Variants in ADGRL3 observed in about 807,000 individuals in gnomAD.
ADGRL3 encodes adhesion G protein-coupled receptor L3.
Under a neutral mutation model 153.5 loss-of-function variants are expected in ADGRL3, and 62 were observed. The observed-to-expected ratio is 0.40, with a 90% confidence interval of 0.33 to 0.50. The LOEUF (loss-of-function observed/expected upper bound fraction) is 0.50, where lower values mean the gene tolerates loss of function less well. ADGRL3 is among the 20% of genes least tolerant of loss of function. The pLI is 0.47. For missense variants in ADGRL3, 1,641 were observed against 1,859.4 expected (o/e 0.88, Z 2.16); for synonymous variants, 710 against 672.5 (o/e 1.06, Z -0.86).
At chr4:61,263,207 TTTA>T (rs2092648903) in intron 1 of ADGRL3, among the ~76,000 whole-genome samples, 1 of 152,024 alleles carries the variant, frequency 6.6e-6, no homozygotes, top group South Asian at 2.1e-4. Flanking sequence ...TATATATCAT[TTTA>T]TTAACATTAT....
intron 2 of ADGRL3, among the ~76,000 whole-genome samples, chr4:61,395,553 C>G (rs2096858956): frequency 6.6e-6 from 1 of 151,860 alleles, no homozygotes; most frequent in Admixed American, 6.6e-5. Context: ...GCTTTCTCAG[C>G]TGGCTTATTT....
At chr4:62,008,735 G>GTA (rs2099170336) in intron 21 of ADGRL3, among the ~76,000 whole-genome samples, 1 of 151,130 alleles carries the variant, frequency 6.6e-6, no homozygotes, top group African/African-American at 2.4e-5. Context: ...GCATGTGTGT[G>GTA]TATATATAGA....
At chr4:61,559,154 T>A (rs1560839488) in intron 4 of ADGRL3, among the ~76,000 whole-genome samples, 1 of 152,094 alleles carries the variant, frequency 6.6e-6, no homozygotes, top group Non-Finnish European at 1.5e-5. Context: ...ATAAATTTAA[T>A]ACTGTGTTTA....
intron 9 of ADGRL3, among the ~76,000 whole-genome samples, chr4:61,885,406 T>C (rs1198866553): frequency 2.0e-5 from 3 of 152,244 alleles, no homozygotes; most frequent in Middle Eastern, 3.2e-3. Context: ...GTTCTACTTA[T>C]GAATTTGTAA....
At chr4:61,624,186 A>G (rs538057819) in intron 5 of ADGRL3, among the ~76,000 whole-genome samples, 1 of 152,308 alleles carries the variant, frequency 6.6e-6, no homozygotes, top group East Asian at 1.9e-4. Flanking sequence ...AATGAATGGC[A>G]TAGTGAAAAG....
intron 1 of ADGRL3, among the ~76,000 whole-genome samples, chr4:61,300,960 TC>T (rs1295874136): frequency 6.6e-6 from 1 of 152,110 alleles, no homozygotes; most frequent in African/African-American, 2.4e-5. Context: ...AGACGGGGTT[TC>T]ACCATCTTGG....
intron 4 of ADGRL3, among the ~76,000 whole-genome samples, chr4:61,530,741 A>T (rs2098607642): frequency 6.6e-6 from 1 of 152,206 alleles, no homozygotes; most frequent in Admixed American, 6.5e-5. Context: ...ACTTGAGCTG[A>T]TGAAAACTTC....
intron 2 of ADGRL3, among the ~76,000 whole-genome samples, chr4:61,439,297 G>T (rs1209702524): frequency 6.6e-6 from 1 of 151,976 alleles, no homozygotes; most frequent in African/African-American, 2.4e-5. Context: ...GAGTAAAATG[G>T]GGGCTTGAAA....
chr4:61,713,215 C>A (rs575884233), intron 6 of ADGRL3, among the ~76,000 whole-genome samples: 68 of 152,098 alleles, frequency 4.5e-4, no homozygotes, highest in Admixed American at 1.8e-3. Flanking sequence ...ATATCTTGTG[C>A]TCATTTCCTG....
intron 17 of ADGRL3, among the ~76,000 whole-genome samples, chr4:61,959,292 T>C (rs1004650693): frequency 6.6e-6 from 1 of 152,182 alleles, no homozygotes; most frequent in Non-Finnish European, 1.5e-5. Flanking sequence ...CAGAAAATGG[T>C]CTTATAATTT....
chr4:61,444,853 G>A (rs1408651893), intron 2 of ADGRL3, among the ~76,000 whole-genome samples: 1 of 152,076 alleles, frequency 6.6e-6, no homozygotes, highest in East Asian at 1.9e-4. Context: ...AAGGGTTCCA[G>A]ACCAGCCTGG....
At chr4:62,004,166 T>G (rs2099149896) in intron 21 of ADGRL3, among the ~76,000 whole-genome samples, 1 of 151,928 alleles carries the variant, frequency 6.6e-6, no homozygotes, top group Admixed American at 6.6e-5. Context: ...TCCTGAAAAA[T>G]ACAACAATAT....
chr4:61,335,266 A>G (rs1365596342), intron 1 of ADGRL3, among the ~76,000 whole-genome samples: 1 of 152,168 alleles, frequency 6.6e-6, no homozygotes, highest in African/African-American at 2.4e-5. Flanking sequence ...GATACCTATA[A>G]AAGCAGGATT....
At chr4:61,324,985 A>T (rs1407516827) in intron 1 of ADGRL3, among the ~76,000 whole-genome samples, 1 of 152,192 alleles carries the variant, frequency 6.6e-6, no homozygotes, top group Non-Finnish European at 1.5e-5. Context: ...TGGAATTCTG[A>T]CTTTACAGAT....
chr4:61,341,099 G>GACAC (rs1050899978), intron 1 of ADGRL3, among the ~76,000 whole-genome samples: 1 of 151,582 alleles, frequency 6.6e-6, no homozygotes, highest in Non-Finnish European at 1.5e-5. Flanking sequence ...TATATATATA[G>GACAC]ACACACACAC....
At chr4:61,803,634 A>G (rs992372259) in intron 8 of ADGRL3, among the ~76,000 whole-genome samples, 3 of 152,128 alleles carry the variant, frequency 2.0e-5, no homozygotes, top group African/African-American at 4.8e-5. Context: ...ATTTATTCCT[A>G]CGTTAACTTG....
At chr4:61,976,355 T>G (rs2150751155) in intron 17 of ADGRL3, among the ~76,000 whole-genome samples, 1 of 152,304 alleles carries the variant, frequency 6.6e-6, no homozygotes, top group African/African-American at 2.4e-5. Flanking sequence ...GAAGTTCTAT[T>G]ATGGCAGACT....
intron 3 of ADGRL3, among the ~76,000 whole-genome samples, chr4:61,514,682 A>G (rs1338459623): frequency 6.6e-6 from 1 of 152,120 alleles, no homozygotes; most frequent in Non-Finnish European, 1.5e-5. Context: ...TTGGTTTCAT[A>G]GAACACATCA....
At chr4:61,289,106 A>G (rs542799203) in intron 1 of ADGRL3, among the ~76,000 whole-genome samples, 10 of 152,122 alleles carry the variant, frequency 6.6e-5, no homozygotes, top group African/African-American at 2.4e-4. Context: ...CAGCGGAGGA[A>G]TTCTAGTAAC....
Sources: gnomAD v4.1 joint callset for allele counts (sites outside exome capture counted in the v4.1 genomes callset) on GRCh38, gnomAD v4.1.1 for gene constraint, MANE v1.5 for transcripts, NCBI Gene and HGNC (gene_info 2026-07-23, HGNC 2026-07-21) for gene names.